Variants in MYO1B observed in about 807,000 individuals in gnomAD.
MYO1B encodes the protein unconventional myosin-Ib.
MYO1B carries 72 observed loss-of-function variants against 159.7 expected under a neutral mutation model. That is an observed-to-expected ratio of 0.45 (90% CI 0.37 to 0.55). The LOEUF is 0.55. Among genes scored for constraint, MYO1B ranks in the 20% least tolerant of loss-of-function variants. MYO1B has a pLI of 0.00. For missense variants in MYO1B, 1,062 were observed against 1,364.8 expected (o/e 0.78, Z 3.50); for synonymous variants, 468 against 473.8 (o/e 0.99, Z 0.16).
intron 1 of MYO1B, among the ~76,000 whole-genome samples, chr2:191,253,915 A>C (rs1263373929): frequency 6.6e-6 from 1 of 152,174 alleles, no homozygotes; most frequent in Non-Finnish European, 1.5e-5. Flanking sequence ...TATGTCCTTC[A>C]ATGAAATTTT....
At chr2:191,407,900 C>G (rs1697026109) in intron 24 of MYO1B, 1 of 369,564 alleles carries the variant, frequency 2.7e-6, no homozygotes, top group East Asian at 4.1e-5. Flanking sequence ...TTTAAAACAT[C>G]AATTCATGCT....
chr2:191,325,577 A>G (rs935836263), intron 3 of MYO1B, among the ~76,000 whole-genome samples: 25 of 152,186 alleles, frequency 1.6e-4, no homozygotes, highest in African/African-American at 5.8e-4. Context: ...ACATGGGGCC[A>G]TGTTTGAAAG....
At chr2:191,336,127 T>G (rs1691817376) in intron 4 of MYO1B, among the ~76,000 whole-genome samples, 1 of 152,198 alleles carries the variant, frequency 6.6e-6, no homozygotes, top group Non-Finnish European at 1.5e-5. Context: ...AGTAAATCTC[T>G]GGGCCTGAGA....
At chr2:191,280,694 A>T (rs1450236974) in intron 2 of MYO1B, among the ~76,000 whole-genome samples, 1 of 152,136 alleles carries the variant, frequency 6.6e-6, no homozygotes, top group Non-Finnish European at 1.5e-5. Flanking sequence ...TCCAAAGTAG[A>T]TAGGCTGTAT....
chr2:191,307,722 T>C (rs55790432), intron 3 of MYO1B, among the ~76,000 whole-genome samples: 54,066 of 151,822 alleles, frequency 0.36, 10,047 homozygotes, highest in Middle Eastern at 0.52. Flanking sequence ...CACTTCTGCT[T>C]AGTCAACCCC....
rs1471134167 is a variant in MYO1B at position 191,414,049 on chromosome 2, G to T, written c.2875G>T (p.Val959Phe). 1.9e-6 allele frequency: 3 copies of T among 1,594,768 alleles called. No individual in the cohort carries two copies. The highest frequency in any genetic ancestry group is 2.3e-5 in the South Asian group (2 of 85,998). ...TGTGCAGGAATTTTTTTCCTTTAGT[G>T]TTGGGCAACCATTCCAAGGGGCTTA... ...KDKKALYPSS[V>F]GQPFQGAYLE... is the part of the protein sequence containing the mutation. Residue 959 changes from valine (V) to phenylalanine (F), a missense_variant and splice_region_variant, in exon 28 of 31, where the codon GTT becomes TTT. Val to Phe is a conservative substitution (Grantham distance 50). Around this residue, in one of 5 missense-constraint regions of MYO1B, gnomAD observed 609 missense variants for 744.4 expected, o/e 0.82. Coordinates refer to ENST00000392318, the MANE Select transcript of MYO1B (RefSeq NM_001130158.3).
intron 17 of MYO1B, chr2:191,388,337 T>G (rs994894051): frequency 4.6e-5 from 7 of 151,646 alleles, no homozygotes; most frequent in African/African-American, 1.7e-4. Context: ...TTCTAGGGCA[T>G]CTTAGACAGA....
At chr2:191,296,354 A>G (rs1259880742) in intron 3 of MYO1B, 128 bp downstream of exon 3, 2 of 383,074 alleles carry the variant, frequency 5.2e-6, no homozygotes, top group Admixed American at 4.9e-5. Flanking sequence ...AAGTTTGATA[A>G]AAGTATGAAG....
At chr2:191,308,634 GTT>G (rs983732148) in intron 3 of MYO1B, among the ~76,000 whole-genome samples, 5 of 152,018 alleles carry the variant, frequency 3.3e-5, no homozygotes, top group Admixed American at 3.3e-4. Context: ...CATGCCATTT[GTT>G]TCCTTTATTA....
chr2:191,288,856 A>G lies in MYO1B; in HGVS notation c.136-7255A>G, dbSNP rs866185023. Among the ~76,000 whole-genome samples the G allele has an allele frequency of 2.0e-5, 3 of 152,348 alleles. 1 individual carries two copies. The highest frequency in any genetic ancestry group is 1.9e-4 in the East Asian group (1 of 5,192). The stretch of plus-strand genomic sequence containing the variant: ...GTTGGAAGTAATGGCAAAAACTGCA[A>G]TTACTTTTGCACCAGCCCAATACTT... On this transcript the variant is annotated intron_variant, in intron 2 of 30. Transcript: ENST00000392318.
At chr2:191,305,849 G>A (rs1215385945) in intron 3 of MYO1B, among the ~76,000 whole-genome samples, 3 of 152,112 alleles carry the variant, frequency 2.0e-5, no homozygotes. Context: ...TGGGATGGAG[G>A]ACCCTTAGGT....
intron 2 of MYO1B, among the ~76,000 whole-genome samples, chr2:191,284,008 C>T (rs1688217104): frequency 6.6e-6 from 1 of 152,176 alleles, no homozygotes; most frequent in Non-Finnish European, 1.5e-5. Context: ...ACATGGTGCT[C>T]TCAATTCAAA....
chr2:191,401,255 CAT>C (rs1696599052), intron 23 of MYO1B, among the ~76,000 whole-genome samples: 1 of 152,090 alleles, frequency 6.6e-6, no homozygotes, highest in South Asian at 2.1e-4. Context: ...ATGCCTCTAA[CAT>C]ATGTCTTAAA....
rs1695040371 is a variant in MYO1B at position 191,381,540 on chromosome 2, G to A, written c.1264G>A (p.Glu422Lys). The change falls in exon 14 of 31, where the codon GAA (glutamate) becomes AAA (lysine). Residue 422 changes from glutamate to lysine, a missense_variant. Coordinates refer to ENST00000392318, the MANE Select transcript of MYO1B (RefSeq NM_001130158.3). ...QQIFIELTLK[E>K]EQEEYIREDI... ...AATCTTCATTGAACTTACTCTTAAAGAAGAGCAGGAGGAGTATATACGGGA... is the reference window on the plus strand; with the variant it reads ...AATCTTCATTGAACTTACTCTTAAAAAAGAGCAGGAGGAGTATATACGGGA... 6.2e-7 allele frequency: 1 copy of A among 1,612,724 alleles called. No homozygotes were observed. The highest frequency in any genetic ancestry group is 1.3e-5 in the African/African-American group (1 of 74,872).
At chr2:191,285,333 T>C (rs1688301988) in intron 2 of MYO1B, among the ~76,000 whole-genome samples, 1 of 152,206 alleles carries the variant, frequency 6.6e-6, no homozygotes, top group African/African-American at 2.4e-5. Context: ...CTTTAATTCA[T>C]AGTCTGAAAT....
chr2:191,275,832 T>C (rs1687718645), intron 1 of MYO1B, among the ~76,000 whole-genome samples: 1 of 152,192 alleles, frequency 6.6e-6, no homozygotes, highest in South Asian at 2.1e-4. Flanking sequence ...TCTGGTAATA[T>C]TAGGAAAAAT....
At chr2:191,367,855 CTG>C (rs1028044825) in intron 11 of MYO1B, among the ~76,000 whole-genome samples, 2 of 152,168 alleles carry the variant, frequency 1.3e-5, no homozygotes, top group Non-Finnish European at 2.9e-5. Flanking sequence ...TATAGACTAA[CTG>C]TGTGCTAGGC....
intron 3 of MYO1B, among the ~76,000 whole-genome samples, chr2:191,308,642 T>C (rs1689798044): frequency 6.6e-6 from 1 of 152,238 alleles, no homozygotes; most frequent in Non-Finnish European, 1.5e-5. Flanking sequence ...TTGTTTCCTT[T>C]ATTACCAAAC....
At position 191,283,591 on chromosome 2, in the gene MYO1B, A is replaced by G. The variant is rs543059316; in HGVS notation, c.135+6561A>G. ...AATTTTCACTAGAGTCCTATGTACT[A>G]TAGGTTTTTAAATTATCTTCATTTT... is the stretch of plus-strand genomic sequence containing the variant. On this transcript the variant is annotated intron_variant, in intron 2 of 30. Transcript: ENST00000392318. Among the ~76,000 whole-genome samples the G allele has an allele frequency of 1.6e-3, 246 of 152,348 alleles. 1 individual carries two copies. The highest frequency in any genetic ancestry group is 5.8e-3 in the African/African-American group (241 of 41,578).
Sources: allele counts gnomAD v4.1 joint callset (sites outside exome capture counted in the v4.1 genomes callset), GRCh38; gene constraint gnomAD v4.1.1; regional missense constraint gnomAD v4.1.1; transcripts MANE v1.5; gene names NCBI Gene and HGNC (gene_info 2026-07-23, HGNC 2026-07-21).